Variants in KCNV2 observed in about 807,000 individuals in gnomAD.
KCNV2 encodes potassium voltage-gated channel subfamily V member 2.
KCNV2 carries 65 observed loss-of-function variants against 37.0 expected under a neutral mutation model. The observed-to-expected ratio is 1.76, with a 90% CI of 1.44 to 2.16. The LOEUF is 2.16. Among genes scored for constraint, KCNV2 ranks in the 30% most tolerant of loss-of-function variants. The probability of loss-of-function intolerance (pLI) is 0.00; values close to 1 mark genes in which losing one functional copy is unlikely to be tolerated. For missense variants in KCNV2, 1,232 were observed against 766.7 expected, an observed-to-expected ratio of 1.61 and a Z score of -7.17; for synonymous variants, 518 against 328.6, an observed-to-expected ratio of 1.58 and a Z score of -6.23.
chr9:2,719,544 G>A (rs537560762), intron 1 of KCNV2, among the ~76,000 whole-genome samples: 61 of 152,008 alleles, frequency 4.0e-4, no homozygotes, highest in Non-Finnish European at 7.4e-4. Context: ...CAGAGAAGGA[G>A]GTGAGACTTG....
At chr9:2,720,580 T>G (rs547044956) in intron 1 of KCNV2, 30 of 152,354 alleles carry the variant, frequency 2.0e-4, no homozygotes, top group African/African-American at 6.0e-4. Flanking sequence ...GGTTGATGAT[T>G]TGTCCCCAGC....
intron 1 of KCNV2, among the ~76,000 whole-genome samples, chr9:2,725,671 TCAC>T (rs746509891): frequency 2.0e-5 from 3 of 152,190 alleles, no homozygotes; most frequent in Admixed American, 6.5e-5. Context: ...AGATCCATCT[TCAC>T]CACCTCTAAT....
At position 2,718,394 on chromosome 9, in the gene KCNV2, G is replaced by C. The variant is rs754754580; in HGVS notation, c.655G>C (p.Glu219Gln). The change falls in exon 1 of 2, where the codon GAG becomes CAG. Residue 219 changes from glutamate to glutamine, a missense_variant. Coordinates refer to ENST00000382082, the MANE Select transcript of KCNV2 (RefSeq NM_133497.4). ...ELSERLKIQH[E>Q]LRAQAQVEEA... is the part of the protein sequence containing the mutation. ...GAGCGAACGGCTCAAGATCCAGCAC[G>C]AGCTGCGCGCGCAGGCGCAGGTCGA... 1.4e-5 allele frequency: 22 copies of C among 1,601,474 alleles called. No individual in the cohort carries two copies. Among genetic ancestry groups the C allele is most frequent in the Admixed American group, 6.9e-5 (4 of 57,960 alleles).
intron 1 of KCNV2, among the ~76,000 whole-genome samples, chr9:2,721,749 T>C (rs749547016): frequency 7.9e-5 from 12 of 152,122 alleles, no homozygotes; most frequent in East Asian, 3.8e-4. Flanking sequence ...TTGGCATAGC[T>C]TGTGTGGGAT....
At position 2,717,938 on chromosome 9, in the gene KCNV2, T is replaced by G. The variant is rs543226684; in HGVS notation, c.199T>G (p.Trp67Gly). ...CGAAGACGGCGAGGAGGAGGACCAG[T>G]GGAAGGACGACCTGGCAGAAGAGGA... ...EDEDGEEEDQ[W>G]KDDLAEEDQQ... The change falls in exon 1 of 2, where the codon TGG (tryptophan) becomes GGG (glycine). Residue 67 changes from tryptophan (W) to glycine (G), a missense_variant. Physicochemically the swap from Trp to Gly is radical, Grantham distance 184. Transcript: ENST00000382082. 2.5e-6 allele frequency: 4 copies of G among 1,613,780 alleles called. No homozygotes were observed. The highest frequency in any genetic ancestry group is 1.6e-4 in the Middle Eastern group (1 of 6,084).
chr9:2,727,926 A>G (rs758110193), intron 1 of KCNV2, among the ~76,000 whole-genome samples: 1 of 152,130 alleles, frequency 6.6e-6, no homozygotes, highest in Non-Finnish European at 1.5e-5. Flanking sequence ...TCTACACCAC[A>G]TTACCTCTCT....
chr9:2,718,037 A>C lies in KCNV2; in HGVS notation c.298A>C (p.Asn100His), dbSNP rs1819771047. Residue 100 changes from asparagine to histidine, a missense_variant, in exon 1 of 2, where the codon AAT (asparagine) becomes CAT (histidine). By Grantham distance (68) the Asn-to-His change is moderately conservative. Coordinates refer to ENST00000382082, the MANE Select transcript of KCNV2 (RefSeq NM_133497.4). ...SDPPALLSTL[N>H]VNVGGHSYQL... is the part of the protein sequence containing the mutation. ...CCCTCCGGCCCTGCTGTCCACGCTG[A>C]ATGTGAACGTGGGTGGCCACAGCTA... The C allele has an allele frequency of 1.9e-6, 3 of 1,611,654 alleles. No individual in the cohort carries two copies. The highest frequency in any genetic ancestry group is 2.5e-6 in the Non-Finnish European group (3 of 1,178,742).
Position 2,718,959 on chromosome 9 carries a change from G to C in KCNV2, c.1220G>C (p.Cys407Ser), listed in dbSNP as rs1819809120. The C allele has an allele frequency of 1.2e-6, 2 of 1,610,590 alleles. No homozygotes were observed. Among genetic ancestry groups the C allele is most frequent in the East Asian group, 4.5e-5 (2 of 44,880 alleles). Residue 407 changes from cysteine (C) to serine (S), a missense_variant, in exon 1 of 2, where the codon TGC becomes TCC. Coordinates refer to ENST00000382082, the MANE Select transcript of KCNV2 (RefSeq NM_133497.4). ...LRAFGFTLRQ[C>S]YQQVGCLLLF... is the part of the protein sequence containing the mutation. ...GCCTTCGGCTTCACGCTGCGCCAGT[G>C]CTACCAGCAGGTGGGCTGCCTGCTG...
At chr9:2,719,211 C>A in intron 1 of KCNV2, 116 bp downstream of exon 1, 2 of 1,140,056 alleles carry the variant, frequency 1.8e-6, no homozygotes, top group Non-Finnish European at 2.5e-6. Flanking sequence ...TTCCCCCCCA[C>A]CCCCAATCGC....
At position 2,718,157 on chromosome 9, in the gene KCNV2, G is replaced by T. The variant is rs778345203; in HGVS notation, c.418G>T (p.Asp140Tyr). 2.5e-6 allele frequency: 4 copies of T among 1,612,176 alleles called. No individual in the cohort carries two copies. The highest frequency in any genetic ancestry group is 3.4e-6 in the Non-Finnish European group (4 of 1,179,258). ...TSRSRQLSLC[D>Y]DYEEQTDEYF... is the part of the protein sequence containing the mutation. ...CCGCAGCCGCCAGCTAAGCCTGTGCGACGACTACGAGGAGCAGACAGACGA... is the reference window on the plus strand; with the variant it reads ...CCGCAGCCGCCAGCTAAGCCTGTGCTACGACTACGAGGAGCAGACAGACGA... Residue 140 changes from aspartate (D) to tyrosine (Y), a missense_variant, in exon 1 of 2, where the codon GAC becomes TAC. Coordinates refer to ENST00000382082, the MANE Select transcript of KCNV2 (RefSeq NM_133497.4).
At chr9:2,723,820 C>T (rs911125431) in intron 1 of KCNV2, among the ~76,000 whole-genome samples, 99 of 152,214 alleles carry the variant, frequency 6.5e-4, no homozygotes, top group Admixed American at 6.0e-3. Flanking sequence ...AACAGGCCCA[C>T]GCCTAAAGCA....
At chr9:2,722,922 C>T (rs2130864991) in intron 1 of KCNV2, among the ~76,000 whole-genome samples, 1 of 152,248 alleles carries the variant, frequency 6.6e-6, no homozygotes, top group East Asian at 1.9e-4. Context: ...AATGCAAGCC[C>T]CATCATGCAA....
Position 2,718,875 on chromosome 9 carries a change from T to C in KCNV2, c.1136T>C (p.Met379Thr), listed in dbSNP as rs1268085130. The part of the protein sequence containing the change: ...VGKVGQVLRV[M>T]RLMRIFRILK... ...AAGGTGGGTCAGGTGTTGCGCGTCA[T>C]GCGCCTCATGCGCATCTTCCGCATC... The change falls in exon 1 of 2, where the codon ATG (methionine) becomes ACG (threonine). Residue 379 changes from methionine (M) to threonine (T), a missense_variant. Physicochemically the swap from Met to Thr is moderately conservative, Grantham distance 81 (BLOSUM62 -1). Transcript: ENST00000382082. 6.2e-7 allele frequency: 1 copy of C among 1,608,798 alleles called. No individual in the cohort carries two copies. The highest frequency in any genetic ancestry group is 1.7e-5 in the Admixed American group (1 of 60,016).
In KCNV2 at chr9:2,718,993, C is replaced by T. The variant is rs370525145; in HGVS notation, c.1254C>T (p.Ile418=). 6.6e-5 allele frequency: 106 copies of T among 1,612,284 alleles called. No individual in the cohort carries two copies. Among genetic ancestry groups the T allele is most frequent in the Non-Finnish European group, 8.6e-5 (102 of 1,180,042 alleles). ...YQQVGCLLLF[I]AMGIFTFSAA... ...AGGTGGGCTGCCTGCTGCTCTTCAT[C>T]GCCATGGGCATCTTCACTTTCTCTG... is the stretch of plus-strand genomic sequence containing the variant. The change falls in exon 1 of 2, where the codon ATC becomes ATT. Residue 418 remains isoleucine (I), a synonymous_variant. Transcript: ENST00000382082.
intron 1 of KCNV2, among the ~76,000 whole-genome samples, chr9:2,722,677 C>G (rs1227398213): frequency 6.6e-6 from 1 of 151,184 alleles, no homozygotes; most frequent in Non-Finnish European, 1.5e-5. Context: ...CATCACCAAC[C>G]ACCCTGAAAT....
At chr9:2,723,251 C>T (rs186822352) in intron 1 of KCNV2, among the ~76,000 whole-genome samples, 93 of 152,218 alleles carry the variant, frequency 6.1e-4, no homozygotes, top group African/African-American at 2.2e-3. Context: ...GGGGCTGTAT[C>T]CTTTGTGAAA....
intron 1 of KCNV2, among the ~76,000 whole-genome samples, chr9:2,724,659 A>T (rs1040548214): frequency 1.8e-4 from 27 of 152,256 alleles, no homozygotes; most frequent in African/African-American, 6.3e-4. Flanking sequence ...GATGCCAGGA[A>T]TGCCAAAAAA....
rs751106123 is a variant in KCNV2, at chr9:2,718,748, C to T, written c.1009C>T (p.Leu337=). Residue 337 remains leucine, a synonymous_variant, in exon 1 of 2, where the codon CTG becomes TTG. Transcript: ENST00000382082. The part of the protein sequence containing the change: ...LRRFARSALN[L]VDLVAILPLY... Reference sequence around the variant, plus strand: ...GCGCTTCGCGCGCAGCGCCCTCAACCTGGTGGACCTGGTGGCCATCCTGCC... The same window carrying T: ...GCGCTTCGCGCGCAGCGCCCTCAACTTGGTGGACCTGGTGGCCATCCTGCC... 1.2e-6 allele frequency: 2 copies of T among 1,611,686 alleles called. No individual in the cohort carries two copies. Among genetic ancestry groups the T allele is most frequent in the Non-Finnish European group, 1.7e-6 (2 of 1,179,794 alleles).
chr9:2,725,770 G>A (rs921509443), intron 1 of KCNV2, among the ~76,000 whole-genome samples: 2 of 152,132 alleles, frequency 1.3e-5, no homozygotes, highest in Non-Finnish European at 2.9e-5. Context: ...GGACTACTGG[G>A]TGCCAAGATT....
Sources: allele counts gnomAD v4.1 joint callset (sites outside exome capture counted in the v4.1 genomes callset), GRCh38; gene constraint gnomAD v4.1.1; transcripts MANE v1.5; gene names NCBI Gene and HGNC (gene_info 2026-07-23, HGNC 2026-07-21).